Variants in PRKN observed in about 807,000 individuals in gnomAD.
The protein encoded by PRKN is E3 ubiquitin-protein ligase parkin.
PRKN carries 56 observed loss-of-function variants against 59.5 expected under a neutral mutation model. The observed-to-expected ratio is 0.94, with a 90% CI of 0.76 to 1.18. PRKN has a LOEUF of 1.18. Ranked by LOEUF, PRKN falls within the 50% of genes most tolerant of loss-of-function variation. The probability of loss-of-function intolerance (pLI) is 0.00; values close to 1 mark genes in which losing one functional copy is unlikely to be tolerated. For synonymous variants in PRKN, 250 were observed against 222.1 expected, an observed-to-expected ratio of 1.13 and a Z score of -1.12; for missense variants, 657 against 596.4, an observed-to-expected ratio of 1.10 and a Z score of -1.06.
chr6:161,426,544 C>T (rs1445012195), intron 9 of PRKN, among the ~76,000 whole-genome samples: 1 of 151,824 alleles, frequency 6.6e-6, no homozygotes, highest in Non-Finnish European at 1.5e-5. Flanking sequence ...GTTCTTCAGT[C>T]TTGGGACTCA....
At chr6:161,931,640 C>T (rs1011017776) in intron 6 of PRKN, among the ~76,000 whole-genome samples, 7 of 152,160 alleles carry the variant, frequency 4.6e-5, no homozygotes, top group Admixed American at 2.6e-4. Context: ...CTGAGAAAGA[C>T]AGGGGCACCT....
At chr6:162,171,301 T>C (rs1299201298) in intron 4 of PRKN, among the ~76,000 whole-genome samples, 2 of 152,140 alleles carry the variant, frequency 1.3e-5, no homozygotes, top group African/African-American at 2.4e-5. Flanking sequence ...AGTTGGGAGA[T>C]GGTATTCCAG....
At chr6:162,694,791 T>C (rs1014047685) in intron 1 of PRKN, 2 of 152,226 alleles carry the variant, frequency 1.3e-5, no homozygotes, top group African/African-American at 4.8e-5. Flanking sequence ...TTTTCCAAAA[T>C]AATTCCAAAG....
chr6:162,486,590 CCACT>C (rs1285992523), intron 1 of PRKN, among the ~76,000 whole-genome samples: 1 of 152,204 alleles, frequency 6.6e-6, no homozygotes, highest in Non-Finnish European at 1.5e-5. Context: ...GAGAACATGT[CCACT>C]TGCATTTCTG....
At chr6:161,365,469 C>A (rs1785162827) in intron 10 of PRKN, among the ~76,000 whole-genome samples, 1 of 152,134 alleles carries the variant, frequency 6.6e-6, no homozygotes, top group East Asian at 1.9e-4. Flanking sequence ...TTATACTCAG[C>A]CCAAGAGAAA....
intron 7 of PRKN, among the ~76,000 whole-genome samples, chr6:161,573,275 T>C (rs1179428355): frequency 6.6e-6 from 1 of 152,108 alleles, no homozygotes; most frequent in East Asian, 1.9e-4. Context: ...CTCTGGCGTA[T>C]TAAATTGATA....
At chr6:161,871,977 A>G (rs1332436890) in intron 6 of PRKN, among the ~76,000 whole-genome samples, 3 of 152,126 alleles carry the variant, frequency 2.0e-5, no homozygotes, top group African/African-American at 7.2e-5. Context: ...ACAGAAACCT[A>G]TAAAATAGGT....
intron 9 of PRKN, among the ~76,000 whole-genome samples, chr6:161,512,784 T>G (rs934388225): frequency 1.3e-5 from 2 of 152,226 alleles, no homozygotes; most frequent in African/African-American, 4.8e-5. Flanking sequence ...CCTCCTGGCC[T>G]CCCTGGTGCA....
rs1276517387 is a variant in PRKN, at chr6:161,538,226, C to T, written c.1083+10628G>A. ...CTGCTTCTGACTGGGTTCCTTCTCA[C>T]TTGTACACTTCTTCTGATCCTGGTT... On this transcript the variant is annotated intron_variant, in intron 9 of 11. Transcript: ENST00000366898. The surrounding 1 kb of genome is among the most constrained non-coding windows in gnomAD (Gnocchi z 4.2). 1.3e-5 allele frequency among the ~76,000 whole-genome samples: 2 copies of T among 152,270 alleles called. No homozygotes were observed. The highest frequency in any genetic ancestry group is 3.9e-4 in the East Asian group (2 of 5,188).
At chr6:161,862,565 C>T (rs9458398) in intron 6 of PRKN, among the ~76,000 whole-genome samples, 4,714 of 152,106 alleles carry the variant, frequency 0.031, 116 homozygotes, top group Non-Finnish European at 0.049. Context: ...AGTATAAATT[C>T]CCATGAGCTC....
intron 4 of PRKN, among the ~76,000 whole-genome samples, chr6:162,192,820 G>A (rs1784340249): frequency 6.6e-6 from 1 of 152,074 alleles, no homozygotes; most frequent in Non-Finnish European, 1.5e-5. Flanking sequence ...AGCAGCATGG[G>A]TCAAGCGCAT....
intron 2 of PRKN, among the ~76,000 whole-genome samples, chr6:162,363,999 A>G (rs9365407): frequency 0.12 from 18,946 of 152,204 alleles, 1,575 homozygotes; most frequent in South Asian, 0.27. Context: ...CTCTGAGCCA[A>G]TTGCTTCATT....
Position 161,347,505 on chromosome 6 carries a change from G to C in PRKN, c.*2594C>G, listed in dbSNP as rs368492961. The C allele has an allele frequency of 6.6e-6, 1 of 152,094 alleles. No individual in the cohort carries two copies. The highest frequency in any genetic ancestry group is 2.1e-4 in the South Asian group (1 of 4,808). 9.4% of individuals were successfully genotyped at this position (152,094 alleles called of 1,614,324 possible). ...CTTCAGAGAAAAACAGACTTTTTCT[G>C]CAAAGACTTTATTTCTATTTTTTGA... On this transcript the variant is annotated 3_prime_UTR_variant, in exon 12 of 12. Transcript: ENST00000366898.
intron 2 of PRKN, among the ~76,000 whole-genome samples, chr6:162,376,508 C>T (rs1265094466): frequency 6.6e-6 from 1 of 151,552 alleles, no homozygotes; most frequent in Non-Finnish European, 1.5e-5. Flanking sequence ...GATGACCCTA[C>T]TCTCCTTGGC....
At chr6:162,699,119 C>T (rs975254850) in intron 1 of PRKN, among the ~76,000 whole-genome samples, 8 of 152,194 alleles carry the variant, frequency 5.3e-5, no homozygotes, top group African/African-American at 1.9e-4. Flanking sequence ...GGGTGTCTTA[C>T]ATGTCAATAT....
At chr6:162,012,761 T>G (rs1484981127) in intron 5 of PRKN, among the ~76,000 whole-genome samples, 1 of 152,156 alleles carries the variant, frequency 6.6e-6, no homozygotes, top group Non-Finnish European at 1.5e-5. Context: ...GAACAGTCCC[T>G]CAATCTCTCT....
At position 161,428,646 on chromosome 6, in the gene PRKN, T is replaced by G. The variant is rs1788504222; in HGVS notation, c.1084-41769A>C. ...ATCTGAAGGGCGATTCTTTGTCAAC[T>G]GCTACTGTCTTGCTAAAGAATCAGC... On this transcript the variant is annotated intron_variant, in intron 9 of 11. Coordinates refer to ENST00000366898, the MANE Select transcript of PRKN (RefSeq NM_004562.3). The surrounding 1 kb of genome is among the most constrained non-coding windows in gnomAD (Gnocchi z 4.0). 1.3e-5 allele frequency among the ~76,000 whole-genome samples: 2 copies of G among 152,214 alleles called. No individual in the cohort carries two copies. The highest frequency in any genetic ancestry group is 2.4e-5 in the African/African-American group (1 of 41,448).
At chr6:162,592,542 C>T (rs561767335) in intron 1 of PRKN, among the ~76,000 whole-genome samples, 6 of 152,290 alleles carry the variant, frequency 3.9e-5, no homozygotes, top group Admixed American at 3.9e-4. Flanking sequence ...TACCTACTGA[C>T]TTATCACCTG....
intron 4 of PRKN, among the ~76,000 whole-genome samples, chr6:162,144,177 G>A (rs1260658041): frequency 6.6e-6 from 1 of 152,116 alleles, no homozygotes. Context: ...CGCACACTTG[G>A]TTGAGGTTAA....
Sources: gnomAD v4.1 joint callset for allele counts (sites outside exome capture counted in the v4.1 genomes callset) on GRCh38, gnomAD v4.1.1 for gene constraint, Gnocchi (gnomAD v3.1) non-coding constraint, MANE v1.5 for transcripts, NCBI Gene and HGNC (gene_info 2026-07-23, HGNC 2026-07-21) for gene names.